The following LCT variants were observed in gnomAD, a reference collection of about 807,000 sequenced individuals.
LCT encodes the protein lactase.
LCT carries 90 observed loss-of-function variants against 173.0 expected under a neutral mutation model. That is an observed-to-expected ratio of 0.52 (90% CI 0.44 to 0.62). The LOEUF is 0.62. LCT is among the 20% of genes least tolerant of loss of function. The pLI, the probability that LCT is intolerant of heterozygous loss-of-function variation, is 0.00. For missense variants in LCT, 1,864 were observed against 2,431.4 expected, an observed-to-expected ratio of 0.77 and a Z score of 4.91; for synonymous variants, 853 against 957.6, an observed-to-expected ratio of 0.89 and a Z score of 2.02.
chr2:135,823,597 G>T (rs1403064184), intron 4 of LCT, among the ~76,000 whole-genome samples: 1 of 152,110 alleles, frequency 6.6e-6, no homozygotes, highest in African/African-American at 2.4e-5. Flanking sequence ...TGGAGGGAGA[G>T]GTAATAAAAG....
At chr2:135,832,841 C>T (rs150810459) in intron 2 of LCT, among the ~76,000 whole-genome samples, 2 of 152,202 alleles carry the variant, frequency 1.3e-5, no homozygotes, top group Admixed American at 1.3e-4. Flanking sequence ...ATAATCTCAT[C>T]TCTTATCCTA....
In LCT at chr2:135,808,744, G is replaced by T; in HGVS notation, c.3603C>A (p.Ala1201=). The stretch of plus-strand genomic sequence containing the variant: ...AGTACGTGTTGAGGCAGAAGACGTC[G>T]GCCGTCGCCCTGATGAACCTCTTCT... The part of the protein sequence containing the change: ...EEEKRFIRAT[A]DVFCLNTYYS... Residue 1201 remains alanine (A), a synonymous_variant, in exon 8 of 17, where the codon GCC becomes GCA. Coordinates refer to ENST00000264162, the MANE Select transcript of LCT (RefSeq NM_002299.4). 6.2e-7 allele frequency: 1 copy of T among 1,614,110 alleles called. No homozygotes were observed. Among genetic ancestry groups the T allele is most frequent in the Non-Finnish European group, 8.5e-7 (1 of 1,180,008 alleles).
At chr2:135,823,662 T>C (rs1205663964) in intron 4 of LCT, among the ~76,000 whole-genome samples, 1 of 152,202 alleles carries the variant, frequency 6.6e-6, no homozygotes, top group African/African-American at 2.4e-5. Flanking sequence ...TAACTATCTT[T>C]ATGTCCATAA....
At chr2:135,794,820 T>TA in intron 13 of LCT, 45 bp from the exon 14 acceptor site, 1 of 1,613,072 alleles carries the variant, frequency 6.2e-7, no homozygotes, top group Non-Finnish European at 8.5e-7. Context: ...GGGAGAGCCA[T>TA]GCTTTGAGAA....
intron 3 of LCT, among the ~76,000 whole-genome samples, chr2:135,826,880 T>C (rs2077893358): frequency 6.6e-6 from 1 of 152,206 alleles, no homozygotes; most frequent in African/African-American, 2.4e-5. Context: ...CAAGTTTAGG[T>C]TCAGGTGAGG....
intron 13 of LCT, among the ~76,000 whole-genome samples, chr2:135,795,732 T>C (rs2077576917): frequency 6.6e-6 from 1 of 151,784 alleles, no homozygotes; most frequent in Non-Finnish European, 1.5e-5. Context: ...CTGAACTTTG[T>C]TTTCTTTCTT....
In LCT at chr2:135,829,598, A is replaced by G. The variant is rs1558745846; in HGVS notation, c.799T>C (p.Leu267=). 2 of 1,611,684 alleles carry G rather than the reference A, an allele frequency of 1.2e-6. No homozygotes were observed. The highest frequency in any genetic ancestry group is 1.7e-6 in the Non-Finnish European group (2 of 1,178,148). The part of the protein sequence containing the change: ...EASLRQKLSK[L]QTIEPKVKVF... ...TGGAAAAGGGCTCAAATTACCTGCA[A>G]TTTACTCAGCTTCTGCCGCAGACTT... Residue 267 remains leucine, a synonymous_variant, in exon 3 of 17, where the codon TTG becomes CTG. Transcript: ENST00000264162.
At chr2:135,816,833 T>C (rs1336955068) in intron 6 of LCT, among the ~76,000 whole-genome samples, 1 of 152,066 alleles carries the variant, frequency 6.6e-6, no homozygotes, top group Non-Finnish European at 1.5e-5. Context: ...ATTTTAAAAG[T>C]ACCAGTAGAG....
intron 8 of LCT, among the ~76,000 whole-genome samples, chr2:135,807,972 A>G (rs749170495): frequency 4.0e-5 from 6 of 151,736 alleles, no homozygotes; most frequent in Non-Finnish European, 7.4e-5. Flanking sequence ...TACCAAAAAT[A>G]CAAAAAAATT....
chr2:135,836,399 C>A, intron 1 of LCT, 131 bp downstream of exon 1: 2 of 841,358 alleles, frequency 2.4e-6, no homozygotes, highest in South Asian at 1.3e-5. Context: ...ATATTAATTT[C>A]TCCCTATGCA....
In LCT at chr2:135,812,612, C is replaced by A; in HGVS notation, c.2052G>T (p.Ser684=). ...TGCTGATGAGGCGGGAGGTGTAATGCGACAGACCCAGAAAATCAGCAGAGC... is the reference window on the plus strand; with the variant it reads ...TGCTGATGAGGCGGGAGGTGTAATGAGACAGACCCAGAAAATCAGCAGAGC... ...LKGSADFLGL[S]HYTSRLISNA... is the part of the protein sequence containing the mutation. Residue 684 remains serine, a synonymous_variant, in exon 7 of 17, where the codon TCG becomes TCT. Coordinates refer to ENST00000264162, the MANE Select transcript of LCT (RefSeq NM_002299.4). The A allele has an allele frequency of 6.2e-7, 1 of 1,610,954 alleles. No homozygotes were observed. Among genetic ancestry groups the A allele is most frequent in the South Asian group, 1.1e-5 (1 of 90,988 alleles).
Position 135,833,441 on chromosome 2 carries a change from C to CTT in LCT, c.641-253_641-252dup, listed in dbSNP as rs35636116. 2.8e-3 allele frequency among the ~76,000 whole-genome samples: 148 copies of CTT among 53,582 alleles called. 1 individual carries two copies. The highest frequency in any genetic ancestry group is 0.013 in the Middle Eastern group (1 of 80). 35.2% of individuals were successfully genotyped at this position (53,582 alleles called of 152,430 possible). A position where few individuals can be genotyped will look rare whatever the true frequency, so the allele number is the denominator to read the frequency against. ...AAGGAGAGAACTCCTTCCTAAACTT[C>CTT]TTTTTTTTTTTTTTTTTTTTTTTGA... On this transcript the variant is annotated intron_variant, in intron 1 of 16. Coordinates refer to ENST00000264162, the MANE Select transcript of LCT (RefSeq NM_002299.4).
At chr2:135,826,324 G>C (rs561347507) in intron 3 of LCT, among the ~76,000 whole-genome samples, 142 of 151,764 alleles carry the variant, frequency 9.4e-4, no homozygotes, top group African/African-American at 3.1e-3. Context: ...GAGGTCGAGG[G>C]GGGTGGTGGA....
chr2:135,803,522 T>C (rs1456510457), intron 11 of LCT, among the ~76,000 whole-genome samples: 1 of 152,222 alleles, frequency 6.6e-6, no homozygotes, highest in Non-Finnish European at 1.5e-5. Flanking sequence ...AGCCTCCTGT[T>C]GGTTTGAGTC....
At chr2:135,811,756 G>T (rs923493775) in intron 7 of LCT, among the ~76,000 whole-genome samples, 8 of 151,296 alleles carry the variant, frequency 5.3e-5, no homozygotes, top group African/African-American at 1.5e-4. Flanking sequence ...GGACTCAGAT[G>T]GGCAGAATGT....
At chr2:135,818,156 A>C (rs1368723309) in intron 5 of LCT, 95 bp from the exon 6 acceptor site, 1 of 1,460,864 alleles carries the variant, frequency 6.8e-7, no homozygotes, top group African/African-American at 1.4e-5. Context: ...TAATCAGAAA[A>C]GATTCCAGAA....
chr2:135,817,853 C>A lies in LCT; in HGVS notation c.1195G>T (p.Gly399Ter). 1 of 1,614,086 alleles carries A rather than the reference C, an allele frequency of 6.2e-7. No homozygotes were observed. Among genetic ancestry groups the A allele is most frequent in the Non-Finnish European group, 8.5e-7 (1 of 1,180,022 alleles). ...GASTGAFNVE[G>*]GWAEGGRGVS... ...CCTCTCCCACCCTCGGCCCAGCCTCCTTCCACGTTAAAGGCTCCTGTGGAG... is the reference window on the plus strand; with the variant it reads ...CCTCTCCCACCCTCGGCCCAGCCTCATTCCACGTTAAAGGCTCCTGTGGAG... Residue 399 changes from glycine to a stop codon, truncating the protein, a stop_gained, in exon 6 of 17, where the codon GGA (glycine) becomes TGA (stop). Transcript: ENST00000264162. LOFTEE classifies it high-confidence loss of function.
intron 12 of LCT, among the ~76,000 whole-genome samples, chr2:135,799,459 G>A (rs192820424): frequency 2.6e-5 from 4 of 151,900 alleles, no homozygotes; most frequent in Non-Finnish European, 4.4e-5. Context: ...ATAAAGGTAG[G>A]CCATGCTGGC....
intron 3 of LCT, among the ~76,000 whole-genome samples, chr2:135,826,197 A>C (rs1221919161): frequency 2.0e-5 from 3 of 152,152 alleles, no homozygotes; most frequent in African/African-American, 7.2e-5. Flanking sequence ...GAGTTTTACT[A>C]TTTGGCTGGC....
Sources: gnomAD v4.1 joint callset for allele counts (sites outside exome capture counted in the v4.1 genomes callset) on GRCh38, gnomAD v4.1.1 for gene constraint, MANE v1.5 for transcripts, NCBI Gene and HGNC (gene_info 2026-07-23, HGNC 2026-07-21) for gene names.